Variants in SYN3 observed in about 807,000 individuals in gnomAD.
SYN3 encodes the protein synapsin-3.
SYN3 carries 35 observed loss-of-function variants against 65.8 expected under a neutral mutation model. That is an observed-to-expected ratio of 0.53 (90% CI 0.41 to 0.70). SYN3 has a LOEUF of 0.70. Among genes scored for constraint, SYN3 ranks in the 30% least tolerant of loss-of-function variants. SYN3 has a pLI of 0.00. For missense variants in SYN3, 680 were observed against 749.0 expected, an observed-to-expected ratio of 0.91 and a Z score of 1.08; for synonymous variants, 270 against 292.9, an observed-to-expected ratio of 0.92 and a Z score of 0.80.
intron 8 of SYN3, among the ~76,000 whole-genome samples, chr22:32,539,536 C>T (rs2058219733): frequency 6.6e-6 from 1 of 152,138 alleles, no homozygotes; most frequent in South Asian, 2.1e-4. Context: ...ACATGTACTT[C>T]CTTACTGTGT....
chr22:32,684,097 G>T (rs1320030451), intron 6 of SYN3, among the ~76,000 whole-genome samples: 1 of 152,206 alleles, frequency 6.6e-6, no homozygotes, highest in Non-Finnish European at 1.5e-5. Flanking sequence ...CCAAACAACA[G>T]TGGTTAATCA....
At chr22:32,925,899 C>A (rs570945306) in intron 4 of SYN3, among the ~76,000 whole-genome samples, 1 of 127,510 alleles carries the variant, frequency 7.8e-6, no homozygotes, top group African/African-American at 3.0e-5. Flanking sequence ...GGGTCTCAAT[C>A]TGTCATCCAG....
Position 33,044,844 on chromosome 22 carries a change from C to CT in SYN3, c.-163+13447dup, listed in dbSNP as rs1302960357. ...TTAACAACCTTCCCAGATGATTCTT[C>CT]TTTTTTTTTTTTTTTGAGATGGAGT... On this transcript the variant is annotated intron_variant, in intron 1 of 13. Coordinates refer to ENST00000358763, the MANE Select transcript of SYN3 (RefSeq NM_003490.4). 4.5e-3 allele frequency among the ~76,000 whole-genome samples: 612 copies of CT among 134,906 alleles called. 5 individuals are homozygous for CT. Among genetic ancestry groups the CT allele is most frequent in the African/African-American group, 9.9e-3 (375 of 37,814 alleles). 88.5% of individuals were successfully genotyped at this position (134,906 alleles called of 152,430 possible).
chr22:32,660,905 C>T (rs1319943789), intron 6 of SYN3, among the ~76,000 whole-genome samples: 2 of 152,182 alleles, frequency 1.3e-5, no homozygotes, highest in Non-Finnish European at 2.9e-5. Flanking sequence ...CATCCTTGAC[C>T]TCAAAGATGG....
In SYN3 at chr22:32,923,490, A is replaced by G. The variant is rs75029536; in HGVS notation, c.461+7900T>C. On this transcript the variant is annotated intron_variant, in intron 4 of 13. Coordinates refer to ENST00000358763, the MANE Select transcript of SYN3 (RefSeq NM_003490.4). ...TTCCTGAAGTTGCTCCTTGTGAGCA[A>G]GACTTCGGGAGATCTAGACCTTGGT... Among the ~76,000 whole-genome samples, 1,221 of 152,346 alleles carry G rather than the reference A, an allele frequency of 8.0e-3. 6 individuals carry two copies. The highest frequency in any genetic ancestry group is 0.025 in the East Asian group (128 of 5,188).
intron 6 of SYN3, among the ~76,000 whole-genome samples, chr22:32,637,846 C>T (rs1601813507): frequency 6.6e-6 from 1 of 151,908 alleles, no homozygotes; most frequent in African/African-American, 2.4e-5. Context: ...ACCATGTTGG[C>T]GAGGCTGGTC....
chr22:32,649,680 C>T (rs1164711621), intron 6 of SYN3, among the ~76,000 whole-genome samples: 1 of 152,134 alleles, frequency 6.6e-6, no homozygotes, highest in Non-Finnish European at 1.5e-5. Context: ...TTTGAGACCA[C>T]AAGAGCCAAC....
chr22:32,973,041 C>CA (rs1240073109), intron 3 of SYN3, among the ~76,000 whole-genome samples: 2 of 152,042 alleles, frequency 1.3e-5, no homozygotes, highest in African/African-American at 4.8e-5. Context: ...ACAGCAACAA[C>CA]AAAAAAGAGC....
chr22:32,620,935 G>T (rs1360122364), intron 6 of SYN3, among the ~76,000 whole-genome samples: 1 of 126,158 alleles, frequency 7.9e-6, no homozygotes, highest in East Asian at 2.2e-4. Context: ...GGCCAGGCTG[G>T]TCTCGAACTC....
intron 4 of SYN3, among the ~76,000 whole-genome samples, chr22:32,893,747 A>G (rs1026245595): frequency 7.3e-5 from 11 of 151,492 alleles, no homozygotes; most frequent in Non-Finnish European, 2.9e-5. Context: ...GAAAATACCC[A>G]CTCATCCTTC....
intron 6 of SYN3, among the ~76,000 whole-genome samples, chr22:32,843,756 G>A (rs892732818): frequency 2.6e-5 from 4 of 152,182 alleles, no homozygotes; most frequent in African/African-American, 9.7e-5. Context: ...GGTCCCATCA[G>A]AAGAGCAGCC....
At chr22:32,714,224 T>C (rs2061005796) in intron 6 of SYN3, among the ~76,000 whole-genome samples, 1 of 152,150 alleles carries the variant, frequency 6.6e-6, no homozygotes, top group South Asian at 2.1e-4. Flanking sequence ...TCATGCTAAG[T>C]GGAAAGGGCA....
At chr22:32,878,690 C>CT (rs1488413023) in intron 4 of SYN3, among the ~76,000 whole-genome samples, 1 of 152,154 alleles carries the variant, frequency 6.6e-6, no homozygotes, top group Non-Finnish European at 1.5e-5. Flanking sequence ...TCTCTTCAAC[C>CT]TTTTTTGGAA....
At chr22:33,002,548 G>A (rs1488678455) in intron 2 of SYN3, among the ~76,000 whole-genome samples, 1 of 152,084 alleles carries the variant, frequency 6.6e-6, no homozygotes. Context: ...GGAGGCTGAG[G>A]CAAAAGAATC....
intron 6 of SYN3, among the ~76,000 whole-genome samples, chr22:32,754,791 T>C (rs1446976356): frequency 6.6e-6 from 1 of 152,214 alleles, no homozygotes; most frequent in African/African-American, 2.4e-5. Context: ...GGCCAAACCC[T>C]TGTCCAAAGT....
chr22:32,556,383 G>C (rs2058496093), intron 7 of SYN3, among the ~76,000 whole-genome samples: 1 of 152,036 alleles, frequency 6.6e-6, no homozygotes, highest in Admixed American at 6.5e-5. Context: ...CTTAGTTTTT[G>C]GCACAACCAC....
intron 2 of SYN3, among the ~76,000 whole-genome samples, chr22:32,991,801 C>T (rs993942299): frequency 2.0e-5 from 3 of 152,282 alleles, no homozygotes; most frequent in South Asian, 2.1e-4. Flanking sequence ...TTCTGCAAAC[C>T]CAGGGCAGAA....
intron 7 of SYN3, among the ~76,000 whole-genome samples, chr22:32,588,157 C>T (rs1415011001): frequency 6.6e-6 from 1 of 152,224 alleles, no homozygotes; most frequent in Non-Finnish European, 1.5e-5. Flanking sequence ...CTCTTCTCAT[C>T]TCTAAAGAAT....
chr22:32,849,090 T>C (rs1394851675), intron 6 of SYN3, among the ~76,000 whole-genome samples: 2 of 152,120 alleles, frequency 1.3e-5, no homozygotes, highest in Non-Finnish European at 2.9e-5. Context: ...CATTGTCAGA[T>C]GGACAAGGGA....
Sources: allele counts gnomAD v4.1 joint callset (sites outside exome capture counted in the v4.1 genomes callset), GRCh38; gene constraint gnomAD v4.1.1; transcripts MANE v1.5; gene names NCBI Gene and HGNC (gene_info 2026-07-23, HGNC 2026-07-21).